Variants in SPTLC3 observed in about 807,000 individuals in gnomAD.
SPTLC3 encodes serine palmitoyltransferase long chain base subunit 3, also known as serine palmitoyltransferase 3.
In SPTLC3, 36 loss-of-function variants were observed where a neutral mutation model predicts 59.3. That is an observed-to-expected ratio of 0.61 (90% CI 0.47 to 0.80). The LOEUF (loss-of-function observed/expected upper bound fraction) is 0.80. SPTLC3 is among the 30% of genes least tolerant of loss of function. The pLI is 0.00. For missense variants in SPTLC3, 625 were observed against 685.1 expected (o/e 0.91, Z 0.98); for synonymous variants, 257 against 240.8 (o/e 1.07, Z -0.62).
rs375357984 is a variant in SPTLC3, at chr20:13,117,474, G to T, written c.933-32G>T. On this transcript the variant is annotated intron_variant, in intron 7 of 11. Transcript: ENST00000399002. ...GACAGAGCTTCCCAGGAGGGTATTTGTTAGTTATGAGCATTTCTCCTTCTG... is the reference window on the plus strand; with the variant it reads ...GACAGAGCTTCCCAGGAGGGTATTTTTTAGTTATGAGCATTTCTCCTTCTG... 3.4e-5 allele frequency: 52 copies of T among 1,536,066 alleles called. No homozygotes were observed. The African/African-American group carries it at 6.9e-4, about 20-fold the overall frequency.
At chr20:13,017,400 G>A (rs62201705) in intron 1 of SPTLC3, among the ~76,000 whole-genome samples, 1,587 of 152,248 alleles carry the variant, frequency 0.01, 14 homozygotes, top group Non-Finnish European at 0.017. Flanking sequence ...CAGAGCTTGA[G>A]AGATAGTCTG....
At chr20:13,072,110 C>T (rs1352534310) in intron 2 of SPTLC3, 146 bp from the exon 3 acceptor site, 5 of 806,556 alleles carry the variant, frequency 6.2e-6, no homozygotes, top group African/African-American at 1.7e-5. Flanking sequence ...CACAGATTTA[C>T]TTCCCTCACC....
rs568907478 is a variant in SPTLC3, at chr20:13,026,673, C to T, written c.117+17289C>T. On this transcript the variant is annotated intron_variant, in intron 1 of 11. Coordinates refer to ENST00000399002, the MANE Select transcript of SPTLC3 (RefSeq NM_018327.4). ...AATATTAAGAAATTAAGGTTAGGTG[C>T]GAACAAAGTGCAGTGTTGAAACTCG... is the stretch of plus-strand genomic sequence containing the variant. Among the ~76,000 whole-genome samples the T allele has an allele frequency of 1.1e-4, 16 of 152,242 alleles. No individual in the cohort carries two copies. In the South Asian group the frequency reaches 1.9e-3, roughly 18 times the overall value.
chr20:13,045,235 A>G (rs908172105), intron 1 of SPTLC3, among the ~76,000 whole-genome samples: 3 of 152,152 alleles, frequency 2.0e-5, no homozygotes, highest in African/African-American at 4.8e-5. Context: ...AAACCCCAGG[A>G]TGTCACATCA....
chr20:13,133,507 G>A (rs770904897), intron 9 of SPTLC3, among the ~76,000 whole-genome samples: 2 of 152,230 alleles, frequency 1.3e-5, no homozygotes, highest in Non-Finnish European at 2.9e-5. Context: ...GCTGTGGTGA[G>A]TGGATCACTT....
chr20:13,167,022 G>A lies in SPTLC3; in HGVS notation c.*2155G>A, dbSNP rs1470786305. 6.6e-6 allele frequency: 1 copy of A among 152,150 alleles called. No homozygotes were observed. Among genetic ancestry groups the A allele is most frequent in the African/African-American group, 2.4e-5 (1 of 41,430 alleles). 9.4% of individuals were successfully genotyped at this position (152,150 alleles called of 1,614,324 possible). A position where few individuals can be genotyped will look rare whatever the true frequency, so the allele number is the denominator to read the frequency against. On this transcript the variant is annotated 3_prime_UTR_variant, in exon 12 of 12. Coordinates refer to ENST00000399002, the MANE Select transcript of SPTLC3 (RefSeq NM_018327.4). The stretch of plus-strand genomic sequence containing the variant: ...AAAACAAAAGGACCTGTTTCTGTTA[G>A]AGAGTCCATGTTGAATATACAGGTA...
chr20:13,053,365 C>A (rs530237401), intron 2 of SPTLC3, among the ~76,000 whole-genome samples: 1 of 152,168 alleles, frequency 6.6e-6, no homozygotes, highest in East Asian at 1.9e-4. Context: ...ACAAAAAGGA[C>A]GTCCACACAA....
At chr20:13,036,366 T>C (rs566188441) in intron 1 of SPTLC3, among the ~76,000 whole-genome samples, 14 of 152,094 alleles carry the variant, frequency 9.2e-5, no homozygotes, top group Non-Finnish European at 1.8e-4. Context: ...CTCCTCCTCC[T>C]CCTCCTCAGC....
intron 9 of SPTLC3, among the ~76,000 whole-genome samples, chr20:13,136,604 C>CATATATATATATAT (rs113062136): frequency 3.2e-4 from 44 of 136,076 alleles, no homozygotes; most frequent in African/African-American, 9.4e-4. Context: ...CATCTAAAAA[C>CATATATATATATAT]ATATATATAT....
At position 13,048,951 on chromosome 20, in the gene SPTLC3, G is replaced by A; in HGVS notation, c.124G>A (p.Gly42Arg). Residue 42 changes from glycine to arginine, a missense_variant, in exon 2 of 12, where the codon GGG (glycine) becomes AGG (arginine). By Grantham distance (125) the Gly-to-Arg change is moderately radical. Transcript: ENST00000399002. ...TTTTCTTTTGTGTTTTCAGCAAAAT[G>A]GGAAGCCACATTTTTATGATAAGCT... The part of the protein sequence containing the change: ...NGIVKEAQQN[G>R]KPHFYDKLIV... 1 of 1,553,002 alleles carries A rather than the reference G, an allele frequency of 6.4e-7. No individual in the cohort carries two copies. The highest frequency in any genetic ancestry group is 2.3e-5 in the East Asian group (1 of 43,886).
intron 2 of SPTLC3, among the ~76,000 whole-genome samples, chr20:13,066,010 C>G (rs187235): frequency 0.23 from 34,382 of 151,880 alleles, no homozygotes; most frequent in Middle Eastern, 0.29. Flanking sequence ...TAGGTCTCCA[C>G]AACTTATGCG....
At chr20:13,009,688 G>A (rs1206476038) in intron 1 of SPTLC3, among the ~76,000 whole-genome samples, 3 of 152,164 alleles carry the variant, frequency 2.0e-5, no homozygotes, top group Non-Finnish European at 4.4e-5. Flanking sequence ...GAAGAATTAA[G>A]AAAGTTCCAA....
chr20:13,153,960 T>A (rs951452361), intron 9 of SPTLC3, 43 bp from the exon 10 acceptor site: 2 of 1,605,734 alleles, frequency 1.2e-6, no homozygotes, highest in African/African-American at 2.7e-5. Flanking sequence ...TACTTCCCTC[T>A]TTCTAGTGGG....
chr20:13,118,345 A>C (rs1218016550), intron 8 of SPTLC3, among the ~76,000 whole-genome samples: 2 of 150,984 alleles, frequency 1.3e-5, no homozygotes, highest in South Asian at 4.2e-4. Flanking sequence ...GCCATTCTCC[A>C]ATATCTTATC....
At chr20:13,107,905 A>G (rs942602099) in intron 6 of SPTLC3, among the ~76,000 whole-genome samples, 19 of 151,842 alleles carry the variant, frequency 1.3e-4, no homozygotes, top group Admixed American at 1.1e-3. Context: ...TTAATTCTTC[A>G]TTATTTCATT....
chr20:13,066,393 G>A (rs1407626155), intron 2 of SPTLC3, among the ~76,000 whole-genome samples: 1 of 152,052 alleles, frequency 6.6e-6, no homozygotes. Context: ...ATTTATTCCT[G>A]GGCTCTCTAT....
At chr20:13,092,283 C>A (rs959429610) in intron 5 of SPTLC3, among the ~76,000 whole-genome samples, 1 of 152,220 alleles carries the variant, frequency 6.6e-6, no homozygotes, top group African/African-American at 2.4e-5. Flanking sequence ...CATGTAATGA[C>A]AATCATGCTG....
chr20:13,159,677 C>T (rs2038851766), intron 10 of SPTLC3, among the ~76,000 whole-genome samples: 2 of 152,150 alleles, frequency 1.3e-5, no homozygotes, highest in Non-Finnish European at 2.9e-5. Context: ...TTTTATATCA[C>T]TGCAGATTTG....
chr20:13,075,548 G>A (rs1001700533), intron 4 of SPTLC3, among the ~76,000 whole-genome samples: 5 of 152,148 alleles, frequency 3.3e-5, no homozygotes, highest in African/African-American at 1.2e-4. Context: ...AGTTAATAGT[G>A]GGTGCACAGA....
Sources: allele counts gnomAD v4.1 joint callset (sites outside exome capture counted in the v4.1 genomes callset), GRCh38; gene constraint gnomAD v4.1.1; transcripts MANE v1.5; gene names NCBI Gene and HGNC (gene_info 2026-07-23, HGNC 2026-07-21).